The following UNC80 variants were observed in gnomAD, a reference collection of about 807,000 sequenced individuals.
The protein encoded by UNC80 is protein unc-80 homolog.
A neutral mutation model predicts 384.6 loss-of-function variants in UNC80; 164 were observed. That is an observed-to-expected ratio of 0.43 (90% CI 0.38 to 0.49). UNC80 has a LOEUF of 0.49. Ranked by LOEUF, UNC80 falls within the 20% of genes least tolerant of loss-of-function variation. UNC80 has a pLI of 0.00. For missense variants in UNC80, 3,330 were observed against 4,143.0 expected, an observed-to-expected ratio of 0.80 and a Z score of 5.39; for synonymous variants, 1,486 against 1,527.8, an observed-to-expected ratio of 0.97 and a Z score of 0.64.
rs137954537 is a variant in UNC80, at chr2:209,812,285, C to T, written c.939-1295C>T. 1.5e-4 allele frequency among the ~76,000 whole-genome samples: 22 copies of T among 151,716 alleles called. No individual in the cohort carries two copies. The East Asian group carries it at 4.1e-3, about 28-fold the overall frequency. On this transcript the variant is annotated intron_variant, in intron 7 of 64. Coordinates refer to ENST00000673920, the MANE Select transcript of UNC80 (RefSeq NM_001371986.1). ...CCGTGTTAGCCAGGATGGTGTCGAC[C>T]TCCTGACCCCGTGATCCGTCCGCCT... is the stretch of plus-strand genomic sequence containing the variant.
chr2:209,881,431 C>T (rs114417015), intron 25 of UNC80, among the ~76,000 whole-genome samples: 2,028 of 152,190 alleles, frequency 0.013, 60 homozygotes, highest in African/African-American at 0.046. Flanking sequence ...TTCCAGAACT[C>T]ACCAACAAAT....
At chr2:209,978,985 A>C (rs2093084462) in intron 59 of UNC80, among the ~76,000 whole-genome samples, 1 of 152,234 alleles carries the variant, frequency 6.6e-6, no homozygotes, top group African/African-American at 2.4e-5. Context: ...ACGGTGGCTC[A>C]TGCCTGTAGT....
rs188436293 is a variant in UNC80 at position 209,977,017 on chromosome 2, G to A, written c.8877G>A (p.Ser2959=). The change falls in exon 58 of 65, where the codon TCG becomes TCA. Residue 2959 remains serine (S), a synonymous_variant. Coordinates refer to ENST00000673920, the MANE Select transcript of UNC80 (RefSeq NM_001371986.1). The part of the protein sequence containing the change: ...RFIPRPLCKS[S]LIAEFNSELK... ...TACCACGCCCTTTGTGTAAGAGCTCGCTCATTGCTGAGTTCAACAGTGAAC... is the reference window on the plus strand; with the variant it reads ...TACCACGCCCTTTGTGTAAGAGCTCACTCATTGCTGAGTTCAACAGTGAAC... The A allele has an allele frequency of 5.9e-6, 9 of 1,537,948 alleles. No individual in the cohort carries two copies. The Admixed American group carries it at 5.9e-5, about 10-fold the overall frequency.
intron 21 of UNC80, among the ~76,000 whole-genome samples, chr2:209,845,886 T>A (rs563458580): frequency 6.6e-6 from 1 of 152,286 alleles, no homozygotes; most frequent in African/African-American, 2.4e-5. Context: ...CATCATTCTA[T>A]TTTTGAGCCT....
At chr2:209,945,820 G>A in intron 46 of UNC80, 27 bp from the exon 47 acceptor site, 9 of 1,493,574 alleles carry the variant, frequency 6.0e-6, no homozygotes, top group Non-Finnish European at 8.2e-6. Flanking sequence ...CACTCTGATA[G>A]TTTGCCTTTA....
At chr2:209,879,630 G>C (rs1235814414) in intron 24 of UNC80, among the ~76,000 whole-genome samples, 1 of 152,154 alleles carries the variant, frequency 6.6e-6, no homozygotes, top group East Asian at 1.9e-4. Context: ...TTTTTAAAAA[G>C]TGTTGCATAT....
At chr2:209,797,053 A>G (rs994766861) in intron 7 of UNC80, among the ~76,000 whole-genome samples, 10 of 152,210 alleles carry the variant, frequency 6.6e-5, no homozygotes, top group African/African-American at 2.2e-4. Flanking sequence ...GACATTTCAT[A>G]TAAATGAATT....
intron 28 of UNC80, 36 bp from the exon 29 acceptor site, chr2:209,904,729 T>C (rs570322934): frequency 2.6e-6 from 4 of 1,541,034 alleles, no homozygotes; most frequent in Middle Eastern, 1.7e-4. Context: ...TGTACCCTGG[T>C]TGCCTGGCTG....
intron 61 of UNC80, 143 bp downstream of exon 61, chr2:209,985,055 A>C (rs753189682): frequency 1.5e-6 from 1 of 663,036 alleles, no homozygotes; most frequent in Non-Finnish European, 2.3e-6. Flanking sequence ...TTGTTCATGA[A>C]CATATGAGCC....
At chr2:209,828,896 A>G (rs1293699605) in intron 14 of UNC80, among the ~76,000 whole-genome samples, 9 of 152,158 alleles carry the variant, frequency 5.9e-5, no homozygotes, top group African/African-American at 1.7e-4. Flanking sequence ...CAATTCTATC[A>G]CTTATCTAAA....
At chr2:209,894,040 G>A (rs1038949034) in intron 26 of UNC80, 123 bp from the exon 27 acceptor site, 1 of 571,776 alleles carries the variant, frequency 1.7e-6, no homozygotes. Flanking sequence ...GAAGCTCCTT[G>A]TCCAGAGTGC....
intron 22 of UNC80, among the ~76,000 whole-genome samples, chr2:209,862,265 T>C (rs2083396003): frequency 6.6e-6 from 1 of 151,800 alleles, no homozygotes; most frequent in South Asian, 2.1e-4. Flanking sequence ...AAATAACTTC[T>C]TGCTATGTGG....
rs1167833553 is a variant in UNC80 at position 209,921,541 on chromosome 2, G to C, written c.5385G>C (p.Arg1795Ser). 1.9e-6 allele frequency: 3 copies of C among 1,551,632 alleles called. No individual in the cohort carries two copies. The highest frequency in any genetic ancestry group is 2.4e-5 in the East Asian group (1 of 40,912). ...GGGCTGTGTCCCGCTCCCATCAAAG[G>C]GCAGAACACATCTTAAAGAACTTGC... ...SARAVSRSHQ[R>S]AEHILKNLQQ... The change falls in exon 34 of 65, where the codon AGG becomes AGC. Residue 1795 changes from arginine to serine, a missense_variant. Transcript: ENST00000673920.
At chr2:209,977,911 T>C (rs1432514400) in intron 58 of UNC80, among the ~76,000 whole-genome samples, 1 of 152,200 alleles carries the variant, frequency 6.6e-6, no homozygotes, top group Non-Finnish European at 1.5e-5. Context: ...GTTATTTGCT[T>C]TCTTTTGAAA....
At chr2:209,803,059 A>G (rs1326743981) in intron 7 of UNC80, among the ~76,000 whole-genome samples, 1 of 152,210 alleles carries the variant, frequency 6.6e-6, no homozygotes, top group Non-Finnish European at 1.5e-5. Flanking sequence ...CCAGTCTGCT[A>G]ATACAGTGTT....
intron 61 of UNC80, among the ~76,000 whole-genome samples, chr2:209,989,561 A>G (rs2093354434): frequency 6.6e-6 from 1 of 152,220 alleles, no homozygotes; most frequent in Non-Finnish European, 1.5e-5. Context: ...CCTAAAGGGA[A>G]AAATAATTTT....
At chr2:209,949,465 C>T (rs7557312) in intron 47 of UNC80, among the ~76,000 whole-genome samples, 16 of 151,736 alleles carry the variant, frequency 1.1e-4, no homozygotes, top group Admixed American at 3.9e-4. Context: ...CTCCTACCCA[C>T]CCCCCGCTTT....
Position 209,829,475 on chromosome 2 carries a change from G to A in UNC80, c.2626+96G>A, listed in dbSNP as rs2080796724. On this transcript the variant is annotated intron_variant, in intron 15 of 64. Coordinates refer to ENST00000673920, the MANE Select transcript of UNC80 (RefSeq NM_001371986.1). ...ACTAAATTTGTGGAGGTAGAATTTA[G>A]AGGAAAAGATACGTATGTGTCCATG... is the stretch of plus-strand genomic sequence containing the variant. 5 of 1,355,288 alleles carry A rather than the reference G, an allele frequency of 3.7e-6. 1 individual carries two copies. The highest frequency in any genetic ancestry group is 3.7e-4 in the Middle Eastern group (2 of 5,458). The allele number at this position is 1,355,288 out of a possible 1,614,324, so 84.0% of individuals were successfully genotyped here.
At chr2:209,803,361 C>G (rs1413084052) in intron 7 of UNC80, among the ~76,000 whole-genome samples, 1 of 152,192 alleles carries the variant, frequency 6.6e-6, no homozygotes, top group Admixed American at 6.5e-5. Flanking sequence ...AGCACCTCCA[C>G]AAGGGTTTCA....
Sources: allele counts gnomAD v4.1 joint callset (sites outside exome capture counted in the v4.1 genomes callset), GRCh38; gene constraint gnomAD v4.1.1; transcripts MANE v1.5; gene names NCBI Gene and HGNC (gene_info 2026-07-23, HGNC 2026-07-21).